The following OR4C11 variants were observed in gnomAD, a reference collection of about 807,000 sequenced individuals.
OR4C11 encodes the protein olfactory receptor family 4 subfamily C member 11.
OR4C11 carries 15 observed loss-of-function variants against 14.7 expected under a neutral mutation model. The observed-to-expected ratio is 1.02, with a 90% CI of 0.68 to 1.58. OR4C11 has a LOEUF of 1.58. Among genes scored for constraint, OR4C11 ranks in the 40% most tolerant of loss-of-function variants. The probability of loss-of-function intolerance (pLI) is 0.00; values close to 1 mark genes in which losing one functional copy is unlikely to be tolerated. For synonymous variants in OR4C11, 146 were observed against 135.0 expected (o/e 1.08, Z -0.57); for missense variants, 473 against 383.0 (o/e 1.24, Z -1.96).
chr11:55,603,522 G>T lies in OR4C11; in HGVS notation c.852C>A (p.Ile284=), dbSNP rs745969942. The T allele has an allele frequency of 3.4e-6, 5 of 1,481,040 alleles. 1 individual carries two copies. The highest frequency in any genetic ancestry group is 4.6e-6 in the Non-Finnish European group (5 of 1,087,782). The allele number at this position is 1,481,040 out of a possible 1,614,324, so 91.7% of individuals were successfully genotyped here. The change falls in exon 4 of 4, where the codon ATC becomes ATA. Residue 284 remains isoleucine, a synonymous_variant. Transcript: ENST00000641580. ...TIGTPFLNPL[I]YTLRNAEVKN... ...TCACTTCTGCATTCCTCAGTGTGTA[G>T]ATGAGTGGATTGAGAAAGGGTGTTC...
chr11:55,602,421 C>G lies in OR4C11; in HGVS notation c.*1020G>C, dbSNP rs1481808706. ...ACTGAAACAGATGAATATTAAAAGT[C>G]CATAATATGAATATCTAAAGTGCCG... On this transcript the variant is annotated 3_prime_UTR_variant, in exon 4 of 4. Transcript: ENST00000641580. 7.2e-6 allele frequency: 1 copy of G among 137,936 alleles called. No homozygotes were observed. The highest frequency in any genetic ancestry group is 2.4e-4 in the East Asian group (1 of 4,234). 8.5% of individuals were successfully genotyped at this position (137,936 alleles called of 1,614,324 possible).
In OR4C11 at chr11:55,604,433, A is replaced by T; in HGVS notation, c.-44-16T>A. 1.4e-6 allele frequency: 1 copy of T among 722,014 alleles called. No homozygotes were observed. Among genetic ancestry groups the T allele is most frequent in the Non-Finnish European group, 2.1e-6 (1 of 469,668 alleles). 44.7% of individuals were successfully genotyped at this position (722,014 alleles called of 1,614,324 possible). ...ACTAGTTAATCTGCAAAAGAAAAAA[A>T]GAAATAGATTCTAAATTTAGAGGTC... On this transcript the variant is annotated splice_polypyrimidine_tract_variant and intron_variant, in intron 3 of 3. Transcript: ENST00000641580.
rs1284969957 is a variant in OR4C11, at chr11:55,606,127, AT to A, written c.-207+394del. On this transcript the variant is annotated intron_variant, in intron 2 of 3. Transcript: ENST00000641580. ...TTAGTGCCCATCAGAAGGGACATTA[AT>A]GAATCAAGGATGATATTTTTACGCA... Among the ~76,000 whole-genome samples, 12 of 138,374 alleles carry A rather than the reference AT, an allele frequency of 8.7e-5. 3 individuals carry two copies. Among genetic ancestry groups the A allele is most frequent in the Admixed American group, 4.8e-4 (6 of 12,630 alleles). 90.8% of individuals were successfully genotyped at this position (138,374 alleles called of 152,430 possible).
chr11:55,606,535 T>G lies in OR4C11; in HGVS notation c.-220A>C, dbSNP rs1857965370. The G allele has an allele frequency of 7.2e-6, 1 of 138,304 alleles. No individual in the cohort carries two copies. The highest frequency in any genetic ancestry group is 1.6e-5 in the Non-Finnish European group (1 of 62,152). The allele number at this position is 138,304 out of a possible 1,614,324, so 8.6% of individuals were successfully genotyped here. A position where few individuals can be genotyped will look rare whatever the true frequency, so the allele number is the denominator to read the frequency against. On this transcript the variant is annotated 5_prime_UTR_variant, in exon 2 of 4. Transcript: ENST00000641580. ...TAAAAGCTTTACCTTGGGAGATGGG[T>G]TGTTATTCACCTTGTGATGGCATAT...
Position 55,604,098 on chromosome 11 carries a change from G to T in OR4C11, c.276C>A (p.Tyr92Ter), listed in dbSNP as rs773409403. 6.1e-6 allele frequency: 9 copies of T among 1,484,956 alleles called. 1 individual carries two copies. Among genetic ancestry groups the T allele is most frequent in the Non-Finnish European group, 8.2e-6 (9 of 1,091,256 alleles). The allele number at this position is 1,484,956 out of a possible 1,614,324, so 92.0% of individuals were successfully genotyped here. A position where few individuals can be genotyped will look rare whatever the true frequency, so the allele number is the denominator to read the frequency against. The change falls in exon 4 of 4, where the codon TAC becomes TAA. Residue 92 changes from tyrosine (Y) to a stop codon, truncating the protein, a stop_gained. Coordinates refer to ENST00000641580, the MANE Select transcript of OR4C11 (RefSeq NM_001004700.3). LOFTEE classifies it high-confidence loss of function. The part of the protein sequence containing the change: ...DALSEKKIIT[Y>*]NECMTQVFAL... ...CAAAGACTTGTGTCATGCACTCATT[G>T]TAGGTTATAATTTTCTTTTCAGAGA...
rs1171867595 is a variant in OR4C11, at chr11:55,604,240, A to C, written c.134T>G (p.Val45Gly). 6.8e-7 allele frequency: 1 copy of C among 1,469,268 alleles called. No homozygotes were observed. The highest frequency in any genetic ancestry group is 9.3e-7 in the Non-Finnish European group (1 of 1,076,612). The allele number at this position is 1,469,268 out of a possible 1,614,324, so 91.0% of individuals were successfully genotyped here. Residue 45 changes from valine (V) to glycine (G), a missense_variant, in exon 4 of 4, where the codon GTG becomes GGG. By Grantham distance (109) the Val-to-Gly change is moderately radical. Coordinates refer to ENST00000641580, the MANE Select transcript of OR4C11 (RefSeq NM_001004700.3). ...GTVVGNMLII[V>G]TIKSSRTLGS... is the part of the protein sequence containing the mutation. Reference sequence around the variant, plus strand: ...TAGTGTCCGGCTGGACTTGATGGTCACAATAATGAGCATATTCCCCACCAC... The same window carrying C: ...TAGTGTCCGGCTGGACTTGATGGTCCCAATAATGAGCATATTCCCCACCAC...
In OR4C11 at chr11:55,602,498, A is replaced by T. The variant is rs1857895711; in HGVS notation, c.*943T>A. On this transcript the variant is annotated 3_prime_UTR_variant, in exon 4 of 4. Transcript: ENST00000641580. The stretch of plus-strand genomic sequence containing the variant: ...GCATGAAAATTCCATTGCCAATTCT[A>T]ACTTGTGATTCTATGCAGCCCCAAT... 2 of 138,074 alleles carry T rather than the reference A, an allele frequency of 1.4e-5. No individual in the cohort carries two copies. Among genetic ancestry groups the T allele is most frequent in the African/African-American group, 5.0e-5 (2 of 39,838 alleles). 8.6% of individuals were successfully genotyped at this position (138,074 alleles called of 1,614,324 possible). A position where few individuals can be genotyped will look rare whatever the true frequency, so the allele number is the denominator to read the frequency against.
chr11:55,604,251 C>A lies in OR4C11; in HGVS notation c.123G>T (p.Met41Ile), dbSNP rs1857931321. The change falls in exon 4 of 4, where the codon ATG (methionine) becomes ATT (isoleucine). Residue 41 changes from methionine to isoleucine, a missense_variant. Met to Ile is a conservative substitution (Grantham distance 10). Coordinates refer to ENST00000641580, the MANE Select transcript of OR4C11 (RefSeq NM_001004700.3). The part of the protein sequence containing the change: ...IFYMGTVVGN[M>I]LIIVTIKSSR... ...TGGACTTGATGGTCACAATAATGAG[C>A]ATATTCCCCACCACAGTTCCCATAT... 3 of 1,454,908 alleles carry A rather than the reference C, an allele frequency of 2.1e-6. No individual in the cohort carries two copies. Among genetic ancestry groups the A allele is most frequent in the African/African-American group, 1.4e-5 (1 of 72,408 alleles). The allele number at this position is 1,454,908 out of a possible 1,614,324, so 90.1% of individuals were successfully genotyped here.
chr11:55,605,307 GGAA>G lies in OR4C11; in HGVS notation c.-206-23_-206-21del, dbSNP rs1565065093. On this transcript the variant is annotated intron_variant, in intron 2 of 3. Coordinates refer to ENST00000641580, the MANE Select transcript of OR4C11 (RefSeq NM_001004700.3). Reference sequence around the variant, plus strand: ...CTGAGGCTAAAATGAGGAAAAAAGTGGAAGAATAATTGACACATAAATCAGGAC... The same window carrying G: ...CTGAGGCTAAAATGAGGAAAAAAGTGGAATAATTGACACATAAATCAGGAC... 1.5e-5 allele frequency: 2 copies of G among 137,498 alleles called. No individual in the cohort carries two copies. The highest frequency in any genetic ancestry group is 5.1e-5 in the African/African-American group (2 of 39,566). The allele number at this position is 137,498 out of a possible 1,614,324, so 8.5% of individuals were successfully genotyped here. A position where few individuals can be genotyped will look rare whatever the true frequency, so the allele number is the denominator to read the frequency against.
At chr11:55,605,908 A>G (rs1857954229) in intron 2 of OR4C11, among the ~76,000 whole-genome samples, 1 of 138,806 alleles carries the variant, frequency 7.2e-6, no homozygotes, top group Admixed American at 7.8e-5. Context: ...GGTGTGGGAA[A>G]CCGTCAACCC....
In OR4C11 at chr11:55,603,560, A is replaced by T; in HGVS notation, c.814T>A (p.Phe272Ile). The T allele has an allele frequency of 6.8e-7, 1 of 1,472,464 alleles. No individual in the cohort carries two copies. The highest frequency in any genetic ancestry group is 9.3e-7 in the Non-Finnish European group (1 of 1,079,206). 91.2% of individuals were successfully genotyped at this position (1,472,464 alleles called of 1,614,324 possible). Residue 272 changes from phenylalanine to isoleucine, a missense_variant, in exon 4 of 4, where the codon TTT becomes ATT. Phe to Ile is a conservative substitution (Grantham distance 21). Coordinates refer to ENST00000641580, the MANE Select transcript of OR4C11 (RefSeq NM_001004700.3). The part of the protein sequence containing the change: ...TFPMDKMVAV[F>I]YTIGTPFLNP... ...AGAAAGGGTGTTCCAATAGTATAAA[A>T]TACTGCCACCATCTTGTCCATGGGG...
rs1857895961 is a variant in OR4C11, at chr11:55,602,513, G to T, written c.*928C>A. ...TGCCAATTCTAACTTGTGATTCTAT[G>T]CAGCCCCAATTATTAGGACAGAATA... is the stretch of plus-strand genomic sequence containing the variant. On this transcript the variant is annotated 3_prime_UTR_variant, in exon 4 of 4. Transcript: ENST00000641580. 2 of 138,028 alleles carry T rather than the reference G, an allele frequency of 1.4e-5. No individual in the cohort carries two copies. The highest frequency in any genetic ancestry group is 4.7e-4 in the South Asian group (2 of 4,244). 8.6% of individuals were successfully genotyped at this position (138,028 alleles called of 1,614,324 possible).
In OR4C11 at chr11:55,603,576, G is replaced by A. The variant is rs757642589; in HGVS notation, c.798C>T (p.Asp266=). The A allele has an allele frequency of 7.5e-6, 11 of 1,475,954 alleles. 2 individuals carry two copies. The African/African-American group carries it at 1.4e-4, about 19-fold the overall frequency. The allele number at this position is 1,475,954 out of a possible 1,614,324, so 91.4% of individuals were successfully genotyped here. ...YTRPPTTFPM[D]KMVAVFYTIG... ...TAGTATAAAATACTGCCACCATCTT[G>A]TCCATGGGGAAAGTGGTCGGGGGGC... Residue 266 remains aspartate (D), a synonymous_variant, in exon 4 of 4, where the codon GAC becomes GAT. Transcript: ENST00000641580.
rs142790615 is a variant in OR4C11 at position 55,604,988 on chromosome 11, GCACACA to G, written c.-45+132_-45+137del. The G allele has an allele frequency of 1.5e-5, 2 of 136,624 alleles. 1 individual carries two copies. The highest frequency in any genetic ancestry group is 4.7e-4 in the South Asian group (2 of 4,252). The allele number at this position is 136,624 out of a possible 1,614,324, so 8.5% of individuals were successfully genotyped here. A position where few individuals can be genotyped will look rare whatever the true frequency, so the allele number is the denominator to read the frequency against. On this transcript the variant is annotated intron_variant, in intron 3 of 3. Coordinates refer to ENST00000641580, the MANE Select transcript of OR4C11 (RefSeq NM_001004700.3). ...AATTTACATGTATGTGGGTGTGTGTGCACACACACACACATACACAGAGAAAGAGAC... is the reference window on the plus strand; with the variant it reads ...AATTTACATGTATGTGGGTGTGTGTGCACACACATACACAGAGAAAGAGAC...
rs148784360 is a variant in OR4C11, at chr11:55,606,150, C to T, written c.-207+372G>A. ...TAATGAATCAAGGATGATATTTTTACGCAAACATTAATAAGAATGAAGCAG... is the reference window on the plus strand; with the variant it reads ...TAATGAATCAAGGATGATATTTTTATGCAAACATTAATAAGAATGAAGCAG... On this transcript the variant is annotated intron_variant, in intron 2 of 3. Transcript: ENST00000641580. Among the ~76,000 whole-genome samples, 261 of 138,068 alleles carry T rather than the reference C, an allele frequency of 1.9e-3. 52 individuals carry two copies. Among genetic ancestry groups the T allele is most frequent in the Middle Eastern group, 0.015 (4 of 262 alleles). The allele number at this position is 138,068 out of a possible 152,430, so 90.6% of individuals were successfully genotyped here.
rs543152888 is a variant in OR4C11 at position 55,603,362 on chromosome 11, G to C, written c.*79C>G. Reference sequence around the variant, plus strand: ...GATATATTATTCCCACAGCATTCAGGTACTTTCCTATTTGCTGTCTATACT... The same window carrying C: ...GATATATTATTCCCACAGCATTCAGCTACTTTCCTATTTGCTGTCTATACT... On this transcript the variant is annotated 3_prime_UTR_variant, in exon 4 of 4. Coordinates refer to ENST00000641580, the MANE Select transcript of OR4C11 (RefSeq NM_001004700.3). 1 of 694,010 alleles carries C rather than the reference G, an allele frequency of 1.4e-6. No individual in the cohort carries two copies. Among genetic ancestry groups the C allele is most frequent in the East Asian group, 3.1e-5 (1 of 32,020 alleles). 43.0% of individuals were successfully genotyped at this position (694,010 alleles called of 1,614,324 possible).
At position 55,604,313 on chromosome 11, in the gene OR4C11, T is replaced by C; in HGVS notation, c.61A>G (p.Arg21Gly). The change falls in exon 4 of 4, where the codon AGG (arginine) becomes GGG (glycine). Residue 21 changes from arginine (R) to glycine (G), a missense_variant. Coordinates refer to ENST00000641580, the MANE Select transcript of OR4C11 (RefSeq NM_001004700.3). ...AAGATTACAAACACTATTTTCTGCCTCAAGGGATCCTGTGTTAATCCTAAC... is the reference window on the plus strand; with the variant it reads ...AAGATTACAAACACTATTTTCTGCCCCAAGGGATCCTGTGTTAATCCTAAC... Reference protein sequence around the residue: ...ILLGLTQDPLRQKIVFVIFLI... With the variant: ...ILLGLTQDPLGQKIVFVIFLI... The C allele has an allele frequency of 7.0e-7, 1 of 1,427,192 alleles. No individual in the cohort carries two copies. The highest frequency in any genetic ancestry group is 9.6e-7 in the Non-Finnish European group (1 of 1,046,002). The allele number at this position is 1,427,192 out of a possible 1,614,324, so 88.4% of individuals were successfully genotyped here. A position where few individuals can be genotyped will look rare whatever the true frequency, so the allele number is the denominator to read the frequency against.
Position 55,604,136 on chromosome 11 carries a change from T to C in OR4C11, c.238A>G (p.Ile80Val). 1 of 1,467,514 alleles carries C rather than the reference T, an allele frequency of 6.8e-7. No homozygotes were observed. Among genetic ancestry groups the C allele is most frequent in the Non-Finnish European group, 9.3e-7 (1 of 1,076,950 alleles). The allele number at this position is 1,467,514 out of a possible 1,614,324, so 90.9% of individuals were successfully genotyped here. A position where few individuals can be genotyped will look rare whatever the true frequency, so the allele number is the denominator to read the frequency against. ...TTCTTTTCAGAGAGAGCATCCACAATTAATCTAGGGGCTGTGGAAGTTGAA... is the reference window on the plus strand; with the variant it reads ...TTCTTTTCAGAGAGAGCATCCACAACTAATCTAGGGGCTGTGGAAGTTGAA... ...CFSTSTAPRL[I>V]VDALSEKKII... The change falls in exon 4 of 4, where the codon ATT becomes GTT. Residue 80 changes from isoleucine to valine, a missense_variant. Ile to Val is a conservative substitution (Grantham distance 29). Coordinates refer to ENST00000641580, the MANE Select transcript of OR4C11 (RefSeq NM_001004700.3).
At position 55,603,586 on chromosome 11, in the gene OR4C11, A is replaced by G; in HGVS notation, c.788T>C (p.Phe263Ser). ...TACTGCCACCATCTTGTCCATGGGG[A>G]AAGTGGTCGGGGGGCGTGTATATAT... Reference protein sequence around the residue: ...IFIYTRPPTTFPMDKMVAVFY... With the variant: ...IFIYTRPPTTSPMDKMVAVFY... Residue 263 changes from phenylalanine (F) to serine (S), a missense_variant, in exon 4 of 4, where the codon TTC becomes TCC. Coordinates refer to ENST00000641580, the MANE Select transcript of OR4C11 (RefSeq NM_001004700.3). 1 of 1,482,380 alleles carries G rather than the reference A, an allele frequency of 6.7e-7. No homozygotes were observed. The highest frequency in any genetic ancestry group is 9.2e-7 in the Non-Finnish European group (1 of 1,088,480). The allele number at this position is 1,482,380 out of a possible 1,614,324, so 91.8% of individuals were successfully genotyped here.
Sources: allele counts gnomAD v4.1 joint callset (sites outside exome capture counted in the v4.1 genomes callset), GRCh38; gene constraint gnomAD v4.1.1; transcripts MANE v1.5; gene names NCBI Gene and HGNC (gene_info 2026-07-23, HGNC 2026-07-21).